The following KHDRBS3 variants were observed in gnomAD, a reference collection of about 807,000 sequenced individuals.
KHDRBS3 encodes KH domain-containing, RNA-binding, signal transduction-associated protein 3.
Under a neutral mutation model 45.6 loss-of-function variants are expected in KHDRBS3, and 23 were observed. That is an observed-to-expected ratio of 0.50 (90% CI 0.36 to 0.72). KHDRBS3 has a LOEUF of 0.72. KHDRBS3 is among the 30% of genes least tolerant of loss of function. The pLI, the probability that KHDRBS3 is intolerant of heterozygous loss-of-function variation, is 0.00. For missense variants in KHDRBS3, 352 were observed against 424.8 expected (o/e 0.83, Z 1.51); for synonymous variants, 162 against 156.5 (o/e 1.04, Z -0.26).
intron 5 of KHDRBS3, among the ~76,000 whole-genome samples, chr8:135,564,098 A>T (rs150953640): frequency 4.1e-4 from 62 of 152,268 alleles, no homozygotes; most frequent in African/African-American, 1.4e-3. Flanking sequence ...GTTTCTTCCG[A>T]TATTTTACTT....
At chr8:135,616,400 G>A (rs1370560495) in intron 7 of KHDRBS3, among the ~76,000 whole-genome samples, 2 of 152,162 alleles carry the variant, frequency 1.3e-5, no homozygotes, top group Admixed American at 1.3e-4. Context: ...CTCCACAAGT[G>A]TATGACAACA....
intron 2 of KHDRBS3, among the ~76,000 whole-genome samples, chr8:135,534,477 A>G (rs1389329381): frequency 1.3e-5 from 2 of 152,170 alleles, no homozygotes; most frequent in Admixed American, 6.5e-5. Flanking sequence ...CTAGACAGTC[A>G]TTGAGGTACA....
At position 135,485,566 on chromosome 8, in the gene KHDRBS3, C is replaced by T. The variant is rs113874257; in HGVS notation, c.88+27612C>T. Reference sequence around the variant, plus strand: ...CCATTTGATTACTTTTTGTCAATCCCGTGTTCTCATCTAAGTTCTTGCTTA... The same window carrying T: ...CCATTTGATTACTTTTTGTCAATCCTGTGTTCTCATCTAAGTTCTTGCTTA... On this transcript the variant is annotated intron_variant, in intron 1 of 8. Transcript: ENST00000355849. Among the ~76,000 whole-genome samples the T allele has an allele frequency of 1.1e-3, 170 of 152,008 alleles. 3 individuals are homozygous for T. The highest frequency in any genetic ancestry group is 3.4e-3 in the African/African-American group (139 of 41,448).
intron 1 of KHDRBS3, among the ~76,000 whole-genome samples, chr8:135,515,666 C>T (rs1370620577): frequency 1.3e-5 from 2 of 152,016 alleles, no homozygotes; most frequent in Non-Finnish European, 2.9e-5. Flanking sequence ...TTGCTTTGGC[C>T]CTTGCTGCTG....
chr8:135,653,715 G>A (rs576645364), intron 4 of KHDRBS3, among the ~76,000 whole-genome samples: 1 of 152,350 alleles, frequency 6.6e-6, no homozygotes, highest in Admixed American at 6.5e-5. Context: ...GGTAGGCTAA[G>A]CTAAGCTATG....
At chr8:135,541,520 A>T (rs1366731748) in intron 2 of KHDRBS3, 1 of 152,230 alleles carries the variant, frequency 6.6e-6, no homozygotes. Flanking sequence ...AAAAAATACC[A>T]CTTAGATTTT....
At chr8:135,574,256 C>T (rs565801813) in intron 5 of KHDRBS3, among the ~76,000 whole-genome samples, 22 of 68,366 alleles carry the variant, frequency 3.2e-4, no homozygotes, top group Admixed American at 1.0e-3. Context: ...CTCCATCATG[C>T]CTTTCTTCCA....
intron 7 of KHDRBS3, among the ~76,000 whole-genome samples, chr8:135,609,859 T>C (rs1366582688): frequency 6.6e-6 from 1 of 151,872 alleles, no homozygotes; most frequent in East Asian, 1.9e-4. Context: ...ATGGTTCGAT[T>C]CATTCTGTGG....
intron 7 of KHDRBS3, among the ~76,000 whole-genome samples, chr8:135,615,563 T>C (rs1423495246): frequency 6.6e-6 from 1 of 152,178 alleles, no homozygotes; most frequent in African/African-American, 2.4e-5. Flanking sequence ...CCCATATCAT[T>C]GACGTCTCAC....
chr8:135,535,627 A>G (rs1280138006), intron 2 of KHDRBS3, among the ~76,000 whole-genome samples: 1 of 152,022 alleles, frequency 6.6e-6, no homozygotes, highest in African/African-American at 2.4e-5. Context: ...ATGCTGTATA[A>G]GAAATTTTCT....
chr8:135,484,161 GC>G (rs1306288564), intron 1 of KHDRBS3, among the ~76,000 whole-genome samples: 5 of 152,182 alleles, frequency 3.3e-5, no homozygotes, highest in Admixed American at 2.0e-4. Flanking sequence ...CATATGTAAA[GC>G]ATTGAGAAAT....
At chr8:135,627,022 A>G (rs976391402) in intron 7 of KHDRBS3, among the ~76,000 whole-genome samples, 3 of 152,158 alleles carry the variant, frequency 2.0e-5, no homozygotes, top group African/African-American at 7.2e-5. Flanking sequence ...AAGGTTAGCT[A>G]TCTCTATATC....
Position 135,643,689 on chromosome 8 carries a change from C to T in KHDRBS3, c.891-1370C>T, listed in dbSNP as rs142418144. The stretch of plus-strand genomic sequence containing the variant: ...GGTGTCATTTTCCTGAGAAAGAAAA[C>T]GTGGGGGAAAAACTCCGTGTGGTTG... On this transcript the variant is annotated intron_variant, in intron 7 of 8. Transcript: ENST00000355849. Among the ~76,000 whole-genome samples, 256 of 152,274 alleles carry T rather than the reference C, an allele frequency of 1.7e-3. 5 individuals are homozygous for T. In the East Asian group the frequency reaches 0.035, roughly 21 times the overall value.
chr8:135,471,129 G>T (rs556572355), intron 1 of KHDRBS3, among the ~76,000 whole-genome samples: 4 of 152,190 alleles, frequency 2.6e-5, no homozygotes, highest in Non-Finnish European at 5.9e-5. Context: ...TCCTTGAAAT[G>T]TTAACTTAGA....
At chr8:135,571,067 A>G (rs1827678589) in intron 5 of KHDRBS3, among the ~76,000 whole-genome samples, 1 of 152,216 alleles carries the variant, frequency 6.6e-6, no homozygotes, top group Non-Finnish European at 1.5e-5. Flanking sequence ...CTAGCCAGGG[A>G]TGAACAGACA....
At chr8:135,479,050 T>G (rs970876003) in intron 1 of KHDRBS3, among the ~76,000 whole-genome samples, 1 of 152,080 alleles carries the variant, frequency 6.6e-6, no homozygotes, top group Non-Finnish European at 1.5e-5. Flanking sequence ...TAACAAAACT[T>G]TAGCTACATG....
chr8:135,466,247 C>T (rs1216663212), intron 1 of KHDRBS3, among the ~76,000 whole-genome samples: 1 of 152,184 alleles, frequency 6.6e-6, no homozygotes, highest in Non-Finnish European at 1.5e-5. Context: ...ATTGCTCAAG[C>T]GCCTGAGGTA....
intron 7 of KHDRBS3, among the ~76,000 whole-genome samples, chr8:135,619,669 TA>T (rs201977999): frequency 0.038 from 5,829 of 152,330 alleles, 160 homozygotes; most frequent in Middle Eastern, 0.061. Flanking sequence ...TAGCTATCAT[TA>T]AAGTCCTACA....
At chr8:135,564,954 A>G (rs1182302054) in intron 5 of KHDRBS3, among the ~76,000 whole-genome samples, 2 of 152,198 alleles carry the variant, frequency 1.3e-5, no homozygotes, top group Non-Finnish European at 2.9e-5. Flanking sequence ...AGCAGGTTTC[A>G]TAGCGTTCTA....
Sources: gnomAD v4.1 joint callset for allele counts (sites outside exome capture counted in the v4.1 genomes callset) on GRCh38, gnomAD v4.1.1 for gene constraint, MANE v1.5 for transcripts, NCBI Gene and HGNC (gene_info 2026-07-23, HGNC 2026-07-21) for gene names.